The following MAML3 variants were observed in gnomAD, a reference collection of about 807,000 sequenced individuals.
MAML3 encodes the protein mastermind like transcriptional coactivator 3, also known as mastermind-like protein 3.
A neutral mutation model predicts 101.9 loss-of-function variants in MAML3; 27 were observed. The ratio of observed to expected loss-of-function variants is 0.27; its 90% CI spans 0.20 to 0.37. MAML3 has a LOEUF of 0.37. MAML3 is among the 10% of genes least tolerant of loss of function. The pLI is 1.00. For missense variants in MAML3, 1,316 were observed against 1,444.9 expected, an observed-to-expected ratio of 0.91 and a Z score of 1.45; for synonymous variants, 501 against 555.9, an observed-to-expected ratio of 0.90 and a Z score of 1.39.
At chr4:139,793,721 C>A (rs1209492716) in intron 2 of MAML3, among the ~76,000 whole-genome samples, 3 of 152,230 alleles carry the variant, frequency 2.0e-5, no homozygotes, top group Non-Finnish European at 4.4e-5. Context: ...AACTTACACA[C>A]TATCTGAGTC....
chr4:139,997,906 C>G (rs1224050748), intron 1 of MAML3, among the ~76,000 whole-genome samples: 1 of 152,068 alleles, frequency 6.6e-6, no homozygotes, highest in East Asian at 1.9e-4. Flanking sequence ...AGCCATTCAT[C>G]AGACTGATGC....
intron 2 of MAML3, among the ~76,000 whole-genome samples, chr4:139,865,400 CCTG>C (rs1293721164): frequency 6.6e-6 from 1 of 152,010 alleles, no homozygotes; most frequent in Non-Finnish European, 1.5e-5. Context: ...ATTCCTAGTC[CCTG>C]CTTTTAGCTC....
chr4:139,784,279 C>T (rs1730268015), intron 2 of MAML3, among the ~76,000 whole-genome samples: 1 of 152,216 alleles, frequency 6.6e-6, no homozygotes. Flanking sequence ...CCCTCTCTTT[C>T]TCTCTCACAC....
intron 1 of MAML3, among the ~76,000 whole-genome samples, chr4:140,119,352 G>A (rs1398139369): frequency 6.6e-6 from 1 of 152,162 alleles, no homozygotes; most frequent in Non-Finnish European, 1.5e-5. Flanking sequence ...AGCCATTAAA[G>A]TCTTACATTA....
At position 139,730,569 on chromosome 4, in the gene MAML3, G is replaced by T. The variant is rs544185652; in HGVS notation, c.2178C>A (p.Gly726=). ...GGGGCTGGCTGCCCAGGAAGCCGGG[G>T]CCTGCGGGACTGGCTCCTGAGACCA... ...GGMVSGASPA[G]PGFLGSQPQA... Residue 726 remains glycine, a synonymous_variant, in exon 3 of 5, where the codon GGC becomes GGA. Transcript: ENST00000509479. The T allele has an allele frequency of 4.4e-6, 7 of 1,601,154 alleles. No individual in the cohort carries two copies. In the South Asian group the frequency reaches 6.8e-5, roughly 16 times the overall value.
chr4:140,030,432 A>T (rs1041906071), intron 1 of MAML3, among the ~76,000 whole-genome samples: 6 of 152,230 alleles, frequency 3.9e-5, no homozygotes, highest in Non-Finnish European at 7.3e-5. Context: ...TGCCACAGGA[A>T]GACAAAATTC....
intron 1 of MAML3, among the ~76,000 whole-genome samples, chr4:139,936,780 T>C (rs1333328369): frequency 6.6e-6 from 1 of 152,082 alleles, no homozygotes; most frequent in East Asian, 1.9e-4. Flanking sequence ...CTTTATCTTT[T>C]CCCCCAACTC....
intron 2 of MAML3, among the ~76,000 whole-genome samples, chr4:139,778,082 T>A (rs770782918): frequency 1.2e-4 from 19 of 152,232 alleles, no homozygotes; most frequent in Non-Finnish European, 2.4e-4. Flanking sequence ...ACCTTGTTCA[T>A]GACGGTATTC....
At chr4:139,978,648 C>T (rs1359044160) in intron 1 of MAML3, among the ~76,000 whole-genome samples, 1 of 145,878 alleles carries the variant, frequency 6.9e-6, no homozygotes, top group Non-Finnish European at 1.5e-5. Context: ...CACAACTGCG[C>T]TAGGCATTCA....
chr4:139,979,271 TGAGTCTA>T (rs1257346545), intron 1 of MAML3, among the ~76,000 whole-genome samples: 1 of 152,226 alleles, frequency 6.6e-6, no homozygotes, highest in Non-Finnish European at 1.5e-5. Flanking sequence ...ATGCTAGAAA[TGAGTCTA>T]GACTTACCTG....
chr4:139,925,108 G>A (rs190767803), intron 1 of MAML3, among the ~76,000 whole-genome samples: 2 of 152,142 alleles, frequency 1.3e-5, no homozygotes, highest in East Asian at 3.9e-4. Flanking sequence ...ACTAAATTTT[G>A]GACCCCTAAG....
chr4:139,742,950 A>G (rs1386273766), intron 2 of MAML3, among the ~76,000 whole-genome samples: 1 of 152,192 alleles, frequency 6.6e-6, no homozygotes, highest in Non-Finnish European at 1.5e-5. Flanking sequence ...ATGTAGCACC[A>G]GTTTCCTAAT....
At chr4:140,083,355 TC>T (rs1727893929) in intron 1 of MAML3, among the ~76,000 whole-genome samples, 1 of 152,244 alleles carries the variant, frequency 6.6e-6, no homozygotes. Context: ...TGGTTGCTGC[TC>T]TGCAAATGAT....
chr4:139,900,586 G>C lies in MAML3; in HGVS notation c.469-9619C>G, dbSNP rs185595267. On this transcript the variant is annotated intron_variant, in intron 1 of 4. Transcript: ENST00000509479. ...TTTCATCACAAGTCACAGGAATCCT[G>C]TGTAGTCTCTGTATCCGAAGTTATA... Among the ~76,000 whole-genome samples, 96 of 152,358 alleles carry C rather than the reference G, an allele frequency of 6.3e-4. 1 individual carries two copies. Among genetic ancestry groups the C allele is most frequent in the Middle Eastern group, 3.4e-3 (1 of 294 alleles).
chr4:139,824,838 T>C (rs1216766779), intron 2 of MAML3, among the ~76,000 whole-genome samples: 1 of 152,072 alleles, frequency 6.6e-6, no homozygotes, highest in African/African-American at 2.4e-5. Context: ...ATCTGTCTAC[T>C]TACCACCCCC....
chr4:139,929,836 C>T (rs812752), intron 1 of MAML3, among the ~76,000 whole-genome samples: 74,104 of 152,096 alleles, frequency 0.49, 20,545 homozygotes, highest in African/African-American at 0.73. Context: ...ACAGGAAGGA[C>T]AGAAGTGGAG....
At chr4:140,063,911 C>G (rs1236874394) in intron 1 of MAML3, among the ~76,000 whole-genome samples, 1 of 152,060 alleles carries the variant, frequency 6.6e-6, no homozygotes, top group African/African-American at 2.4e-5. Context: ...ACTGAATATA[C>G]AAACAGATGC....
At chr4:139,768,219 T>C (rs886568836) in intron 2 of MAML3, among the ~76,000 whole-genome samples, 2 of 138,434 alleles carry the variant, frequency 1.4e-5, no homozygotes, top group African/African-American at 2.7e-5. Context: ...ACTCTGTTGA[T>C]AGTTGTGTGT....
chr4:140,128,988 C>G (rs80271864), intron 1 of MAML3, among the ~76,000 whole-genome samples: 13 of 152,258 alleles, frequency 8.5e-5, no homozygotes, highest in Non-Finnish European at 1.6e-4. Context: ...ATCGAGAGGT[C>G]ATCAGAGTCG....
Sources: gnomAD v4.1 joint callset for allele counts (sites outside exome capture counted in the v4.1 genomes callset) on GRCh38, gnomAD v4.1.1 for gene constraint, MANE v1.5 for transcripts, NCBI Gene and HGNC (gene_info 2026-07-23, HGNC 2026-07-21) for gene names.